The following FNDC7 variants were observed in gnomAD, a reference collection of about 807,000 sequenced individuals.
The protein encoded by FNDC7 is fibronectin type III domain containing 7.
A neutral mutation model predicts 74.2 loss-of-function variants in FNDC7; 66 were observed. The observed-to-expected ratio is 0.89, with a 90% CI of 0.73 to 1.09. FNDC7 has a LOEUF of 1.09. FNDC7 is among the 50% of genes least tolerant of loss of function. The pLI is 0.00. For synonymous variants in FNDC7, 307 were observed against 330.2 expected, an observed-to-expected ratio of 0.93 and a Z score of 0.76; for missense variants, 829 against 893.4, an observed-to-expected ratio of 0.93 and a Z score of 0.92.
intron 1 of FNDC7, 174 bp from the exon 2 acceptor site, chr1:108,713,337 G>C (rs1159271782): frequency 1.6e-6 from 1 of 642,494 alleles, no homozygotes; most frequent in Non-Finnish European, 2.7e-6. Flanking sequence ...TTTTGTGGTA[G>C]ATTTGGGTGC....
chr1:108,729,945 C>T (rs1661305683), intron 8 of FNDC7, among the ~76,000 whole-genome samples: 3 of 152,180 alleles, frequency 2.0e-5, no homozygotes, highest in Admixed American at 6.6e-5. Context: ...GTATTTTAGA[C>T]AGCTAAGAAA....
chr1:108,738,146 A>C (rs1346405609), intron 11 of FNDC7, among the ~76,000 whole-genome samples: 1 of 152,136 alleles, frequency 6.6e-6, no homozygotes, highest in African/African-American at 2.4e-5. Flanking sequence ...TGCTGGTCTG[A>C]CCACACATGG....
At chr1:108,722,221 G>A (rs982020488) in intron 4 of FNDC7, 114 bp from the exon 5 acceptor site, 5 of 1,091,088 alleles carry the variant, frequency 4.6e-6, no homozygotes, top group Non-Finnish European at 6.4e-6. Flanking sequence ...TTGAACACTT[G>A]TAATTATCCA....
At chr1:108,716,863 TG>T (rs1660986076) in intron 2 of FNDC7, among the ~76,000 whole-genome samples, 1 of 152,144 alleles carries the variant, frequency 6.6e-6, no homozygotes, top group African/African-American at 2.4e-5. Flanking sequence ...AAAGTCCAAG[TG>T]CCAGTTTCAA....
chr1:108,741,706 T>G (rs1661651816), intron 11 of FNDC7, 67 bp from the exon 12 acceptor site: 1 of 1,518,694 alleles, frequency 6.6e-7, no homozygotes, highest in Admixed American at 1.7e-5. Flanking sequence ...CAGACACTGG[T>G]GCTTTTTAAG....
In FNDC7 at chr1:108,712,955, T is replaced by C. The variant is rs1557785011; in HGVS notation, c.22T>C (p.Cys8Arg). MAGGRET[C>R]LPLIGFILIC... is the part of the protein sequence containing the mutation. ...CAGGATGGCTGGTGGACGAGAGACA[T>C]GTTTGCCTTTGATTGGATTCATTCT... The change falls in exon 1 of 13, where the codon TGT becomes CGT. Residue 8 changes from cysteine to arginine, a missense_variant. Physicochemically the swap from Cys to Arg is radical, Grantham distance 180 (BLOSUM62 -3). Coordinates refer to ENST00000370017, the MANE Select transcript of FNDC7 (RefSeq NM_001144937.3). 1.9e-6 allele frequency: 3 copies of C among 1,551,718 alleles called. No individual in the cohort carries two copies. Among genetic ancestry groups the C allele is most frequent in the Admixed American group, 3.9e-5 (2 of 51,008 alleles).
intron 9 of FNDC7, among the ~76,000 whole-genome samples, chr1:108,732,118 G>A (rs1207445322): frequency 1.3e-5 from 2 of 152,116 alleles, no homozygotes; most frequent in Non-Finnish European, 2.9e-5. Flanking sequence ...CCAGCACTTT[G>A]GGAGGCCGAG....
intron 2 of FNDC7, among the ~76,000 whole-genome samples, chr1:108,714,839 C>T (rs897010456): frequency 1.3e-5 from 2 of 151,910 alleles, no homozygotes; most frequent in Non-Finnish European, 2.9e-5. Context: ...ATGATCCGCC[C>T]GCCTCGGCCT....
At position 108,727,920 on chromosome 1, in the gene FNDC7, G is replaced by T; in HGVS notation, c.1224G>T (p.Gly408=). The T allele has an allele frequency of 6.2e-7, 1 of 1,614,156 alleles. No individual in the cohort carries two copies. Among genetic ancestry groups the T allele is most frequent in the Non-Finnish European group, 8.5e-7 (1 of 1,180,028 alleles). ...AELYETKAVD[G]YNMVECNDTT... is the part of the protein sequence containing the mutation. ...TGTATGAAACCAAGGCTGTAGATGGGTACAACATGGTTGAGTGCAATGACA... is the reference window on the plus strand; with the variant it reads ...TGTATGAAACCAAGGCTGTAGATGGTTACAACATGGTTGAGTGCAATGACA... Residue 408 remains glycine, a synonymous_variant, in exon 7 of 13, where the codon GGG becomes GGT. Coordinates refer to ENST00000370017, the MANE Select transcript of FNDC7 (RefSeq NM_001144937.3).
intron 4 of FNDC7, among the ~76,000 whole-genome samples, chr1:108,721,405 T>C (rs1570726390): frequency 6.6e-6 from 1 of 151,806 alleles, no homozygotes; most frequent in Non-Finnish European, 1.5e-5. Flanking sequence ...GGAGGCGGAG[T>C]TTGCAGTAAG....
At chr1:108,727,095 G>C (rs1661235508) in intron 6 of FNDC7, among the ~76,000 whole-genome samples, 1 of 152,196 alleles carries the variant, frequency 6.6e-6, no homozygotes, top group South Asian at 2.1e-4. Flanking sequence ...GGAAGCCGAG[G>C]CAGGCAGATC....
intron 2 of FNDC7, among the ~76,000 whole-genome samples, chr1:108,714,019 AG>A (rs1367148412): frequency 6.6e-6 from 1 of 152,224 alleles, no homozygotes; most frequent in Non-Finnish European, 1.5e-5. Flanking sequence ...ATAGTCACTC[AG>A]GGCTGAAAGG....
chr1:108,735,582 CATAAT>C (rs1345888359), intron 10 of FNDC7, among the ~76,000 whole-genome samples: 3 of 152,090 alleles, frequency 2.0e-5, no homozygotes. Context: ...AAATTAATTT[CATAAT>C]ATATTTTAGT....
intron 2 of FNDC7, among the ~76,000 whole-genome samples, chr1:108,715,720 T>C (rs146414899): frequency 9.7e-4 from 148 of 152,310 alleles, no homozygotes; most frequent in African/African-American, 3.4e-3. Context: ...ATACATTATT[T>C]CACTTATTCT....
intron 4 of FNDC7, among the ~76,000 whole-genome samples, chr1:108,720,071 G>A (rs771947066): frequency 3.9e-5 from 6 of 152,152 alleles, no homozygotes; most frequent in Admixed American, 2.0e-4. Flanking sequence ...GGTGATTCAT[G>A]ACAGTCTTGG....
rs1226011489 is a variant in FNDC7, at chr1:108,722,430, A to G, written c.694A>G (p.Thr232Ala). The stretch of plus-strand genomic sequence containing the variant: ...ACGGGCAGAAGGAGCTTTCAATTAT[A>G]CTGTGATGGCTTTGAGCGACTCTTC... ...WARAEGAFNY[T>A]VMALSDSSEL... Residue 232 changes from threonine to alanine, a missense_variant, in exon 5 of 13, where the codon ACT becomes GCT. Thr to Ala is a moderately conservative substitution (Grantham distance 58). Transcript: ENST00000370017. The G allele has an allele frequency of 6.8e-6, 11 of 1,614,108 alleles. No homozygotes were observed. The highest frequency in any genetic ancestry group is 8.5e-6 in the Non-Finnish European group (10 of 1,180,028).
Position 108,722,407 on chromosome 1 carries a change from G to A in FNDC7, c.671G>A (p.Arg224Gln), listed in dbSNP as rs4423040. Reference sequence around the variant, plus strand: ...CTGAAGGCATCTTTTTCCTGGGCACGGGCAGAAGGAGCTTTCAATTATACT... The same window carrying A: ...CTGAAGGCATCTTTTTCCTGGGCACAGGCAGAAGGAGCTTTCAATTATACT... ...GALKASFSWA[R>Q]AEGAFNYTVM... The change falls in exon 5 of 13, where the codon CGG (arginine) becomes CAG (glutamine). Residue 224 changes from arginine to glutamine, a missense_variant. By Grantham distance (43) the Arg-to-Gln change is conservative (BLOSUM62 1). Transcript: ENST00000370017. 4.6e-5 allele frequency: 74 copies of A among 1,613,830 alleles called. No individual in the cohort carries two copies. In the African/African-American group the frequency reaches 5.1e-4, roughly 11 times the overall value.
chr1:108,727,868 T>C lies in FNDC7; in HGVS notation c.1172T>C (p.Val391Ala). Residue 391 changes from valine to alanine, a missense_variant, in exon 7 of 13, where the codon GTC (valine) becomes GCC (alanine). Val to Ala is a moderately conservative substitution (Grantham distance 64). Coordinates refer to ENST00000370017, the MANE Select transcript of FNDC7 (RefSeq NM_001144937.3). ...GTGTCCAGTGACAGAGTTGAGATTGTCTGGTCTCCTGTCCGTGGTGCCGAA... is the reference window on the plus strand; with the variant it reads ...GTGTCCAGTGACAGAGTTGAGATTGCCTGGTCTCCTGTCCGTGGTGCCGAA... Reference protein sequence around the residue: ...VLVSSDRVEIVWSPVRGAELY... With the variant: ...VLVSSDRVEIAWSPVRGAELY... 1 of 1,614,196 alleles carries C rather than the reference T, an allele frequency of 6.2e-7. No homozygotes were observed. Among genetic ancestry groups the C allele is most frequent in the South Asian group, 1.1e-5 (1 of 91,076 alleles).
In FNDC7 at chr1:108,741,813, G is replaced by A. The variant is rs770114443; in HGVS notation, c.*9G>A. The A allele has an allele frequency of 9.3e-6, 15 of 1,613,614 alleles. No homozygotes were observed. In the South Asian group the frequency reaches 1.5e-4, roughly 17 times the overall value. ...AGAGAAATGAAGAATGACAAAGTGAGCCCCAGATAAAAACAAAAACTTGAC... is the reference window on the plus strand; with the variant it reads ...AGAGAAATGAAGAATGACAAAGTGAACCCCAGATAAAAACAAAAACTTGAC... On this transcript the variant is annotated 3_prime_UTR_variant, in exon 12 of 13. Transcript: ENST00000370017.
Sources: gnomAD v4.1 joint callset for allele counts (sites outside exome capture counted in the v4.1 genomes callset) on GRCh38, gnomAD v4.1.1 for gene constraint, MANE v1.5 for transcripts, NCBI Gene and HGNC (gene_info 2026-07-23, HGNC 2026-07-21) for gene names.